The following GPC6 variants were observed in gnomAD, a reference collection of about 807,000 sequenced individuals.
GPC6 encodes glypican 6, also known as glypican-6.
A neutral mutation model predicts 55.2 loss-of-function variants in GPC6; 14 were observed. The ratio of observed to expected loss-of-function variants is 0.25; its 90% CI spans 0.17 to 0.40. The LOEUF (loss-of-function observed/expected upper bound fraction) is 0.40. GPC6 is among the 10% of genes least tolerant of loss of function. The pLI, the probability that GPC6 is intolerant of heterozygous loss-of-function variation, is 1.00. For synonymous variants in GPC6, 278 were observed against 259.6 expected, an observed-to-expected ratio of 1.07 and a Z score of -0.68; for missense variants, 641 against 708.5, an observed-to-expected ratio of 0.90 and a Z score of 1.08.
At chr13:94,218,872 CTTCGTATTTTTATAAGCAT>C (rs1890300104) in intron 4 of GPC6, among the ~76,000 whole-genome samples, 2 of 152,108 alleles carry the variant, frequency 1.3e-5, no homozygotes, top group Admixed American at 1.3e-4. Context: ...GAATTCTAGA[CTTCGTATTTTTATAAGCAT>C]CACAGTTTAT....
intron 2 of GPC6, among the ~76,000 whole-genome samples, chr13:93,601,389 A>G (rs1171479452): frequency 1.3e-5 from 2 of 152,068 alleles, no homozygotes. Flanking sequence ...TCTCAAAATA[A>G]TAGTAATAAT....
chr13:93,999,299 T>C (rs747551049), intron 3 of GPC6, among the ~76,000 whole-genome samples: 4 of 152,184 alleles, frequency 2.6e-5, no homozygotes, highest in Non-Finnish European at 5.9e-5. Context: ...TCTGTTCTTA[T>C]GATAGTTTGC....
chr13:94,005,493 T>C (rs1370125637), intron 3 of GPC6, among the ~76,000 whole-genome samples: 3 of 152,204 alleles, frequency 2.0e-5, no homozygotes, highest in Non-Finnish European at 2.9e-5. Context: ...AGAGTCCCTA[T>C]ATGCTGGCTC....
chr13:94,401,940 TGATTGATA>T (rs1331938293), intron 8 of GPC6, among the ~76,000 whole-genome samples: 1 of 150,456 alleles, frequency 6.6e-6, no homozygotes, highest in East Asian at 1.9e-4. Flanking sequence ...ATTGATTGAT[TGATTGATA>T]GATAGATAGA....
chr13:93,572,837 G>T (rs1876471515), intron 2 of GPC6, among the ~76,000 whole-genome samples: 1 of 151,882 alleles, frequency 6.6e-6, no homozygotes, highest in African/African-American at 2.4e-5. Context: ...GTTTCTTTTT[G>T]CTTTTTCTTT....
At chr13:94,210,111 G>T (rs1890032977) in intron 4 of GPC6, among the ~76,000 whole-genome samples, 1 of 151,516 alleles carries the variant, frequency 6.6e-6, no homozygotes, top group Non-Finnish European at 1.5e-5. Context: ...GTCTCACAAA[G>T]TGCTGGGATT....
intron 1 of GPC6, among the ~76,000 whole-genome samples, chr13:93,407,554 T>TA (rs1876340311): frequency 6.6e-6 from 1 of 152,178 alleles, no homozygotes; most frequent in Non-Finnish European, 1.5e-5. Flanking sequence ...CTTACAGGCT[T>TA]ACACAAGGAG....
At chr13:94,307,640 C>T (rs1447027356) in intron 6 of GPC6, among the ~76,000 whole-genome samples, 1 of 152,194 alleles carries the variant, frequency 6.6e-6, no homozygotes, top group Non-Finnish European at 1.5e-5. Flanking sequence ...ATTGCAGTTT[C>T]AGGAAAAGTT....
intron 4 of GPC6, among the ~76,000 whole-genome samples, chr13:94,134,567 T>C (rs1244494940): frequency 6.6e-6 from 1 of 152,222 alleles, no homozygotes; most frequent in Non-Finnish European, 1.5e-5. Flanking sequence ...ACCACATTAC[T>C]CATAAATGAG....
At chr13:94,383,106 C>A (rs946884662) in intron 7 of GPC6, among the ~76,000 whole-genome samples, 1 of 152,278 alleles carries the variant, frequency 6.6e-6, no homozygotes, top group African/African-American at 2.4e-5. Flanking sequence ...TTTCATCATT[C>A]TGCTCTGCTG....
intron 2 of GPC6, among the ~76,000 whole-genome samples, chr13:93,576,043 C>T (rs1348240647): frequency 6.6e-6 from 1 of 152,140 alleles, no homozygotes; most frequent in Non-Finnish European, 1.5e-5. Context: ...GGAATCAAGA[C>T]TTACCATTCA....
At chr13:93,253,809 C>T (rs924838571) in intron 1 of GPC6, among the ~76,000 whole-genome samples, 1 of 152,104 alleles carries the variant, frequency 6.6e-6, no homozygotes, top group Non-Finnish European at 1.5e-5. Context: ...ATGGAACTTG[C>T]ATCTGTCCTT....
chr13:93,272,366 G>C (rs1877560168), intron 1 of GPC6, among the ~76,000 whole-genome samples: 1 of 151,624 alleles, frequency 6.6e-6, no homozygotes, highest in Non-Finnish European at 1.5e-5. Flanking sequence ...ATTCTAACTT[G>C]CCTTTTAAAA....
chr13:94,024,735 T>C (rs1034764376), intron 3 of GPC6, among the ~76,000 whole-genome samples: 3 of 152,158 alleles, frequency 2.0e-5, no homozygotes, highest in Non-Finnish European at 4.4e-5. Flanking sequence ...GAGAAAATAG[T>C]ACTGGTTCCA....
chr13:94,246,639 T>G (rs1243255992), intron 4 of GPC6, among the ~76,000 whole-genome samples: 1 of 152,146 alleles, frequency 6.6e-6, no homozygotes, highest in East Asian at 1.9e-4. Context: ...TGTGTCTTCT[T>G]GGTGCCCTTG....
chr13:94,313,947 A>G (rs1257682154), intron 6 of GPC6, among the ~76,000 whole-genome samples: 1 of 152,210 alleles, frequency 6.6e-6, no homozygotes, highest in East Asian at 1.9e-4. Context: ...CAGAATTCCT[A>G]GACTTCAGCT....
At chr13:93,605,032 T>A (rs1333410843) in intron 2 of GPC6, among the ~76,000 whole-genome samples, 3 of 152,172 alleles carry the variant, frequency 2.0e-5, no homozygotes, top group Non-Finnish European at 4.4e-5. Flanking sequence ...AAAGAAGAAA[T>A]GGCAATCCTA....
chr13:93,681,835 A>ATTTTATTTTCTTT (rs1881856284), intron 2 of GPC6, among the ~76,000 whole-genome samples: 1 of 152,140 alleles, frequency 6.6e-6, no homozygotes, highest in Non-Finnish European at 1.5e-5. Context: ...GCTGCTAACT[A>ATTTTATTTTCTTT]GATTATTTTA....
At chr13:93,779,212 C>A (rs1400160740) in intron 2 of GPC6, among the ~76,000 whole-genome samples, 1 of 152,128 alleles carries the variant, frequency 6.6e-6, no homozygotes, top group African/African-American at 2.4e-5. Flanking sequence ...ACAAGCCTCT[C>A]AGAACTTAGT....
Sources: allele counts gnomAD v4.1 joint callset (sites outside exome capture counted in the v4.1 genomes callset), GRCh38; gene constraint gnomAD v4.1.1; transcripts MANE v1.5; gene names NCBI Gene and HGNC (gene_info 2026-07-23, HGNC 2026-07-21).